The following TTLL8 variants were observed in gnomAD, a reference collection of about 807,000 sequenced individuals.
TTLL8 encodes the protein protein monoglycylase TTLL8.
In TTLL8, 65 loss-of-function variants were observed where a neutral mutation model predicts 77.8. That is an observed-to-expected ratio of 0.84 (90% CI 0.68 to 1.03). The LOEUF (loss-of-function observed/expected upper bound fraction) is 1.03, where lower values mean the gene tolerates loss of function less well. TTLL8 is among the 50% of genes least tolerant of loss of function. The pLI is 0.00. For synonymous variants in TTLL8, 402 were observed against 422.8 expected (o/e 0.95, Z 0.60); for missense variants, 910 against 1,004.5 (o/e 0.91, Z 1.27).
intron 12 of TTLL8, among the ~76,000 whole-genome samples, chr22:50,024,520 A>G (rs966814082): frequency 2.6e-5 from 4 of 152,198 alleles, no homozygotes; most frequent in African/African-American, 9.7e-5. Flanking sequence ...AAGAGAGTAT[A>G]TTTTTGACAA....
At chr22:50,051,850 A>C (rs1275702768) in intron 1 of TTLL8, among the ~76,000 whole-genome samples, 1 of 152,174 alleles carries the variant, frequency 6.6e-6, no homozygotes, top group Non-Finnish European at 1.5e-5. Flanking sequence ...CAAGGAATTG[A>C]AAAATAAGTT....
chr22:50,058,188 C>G (rs2061497294), upstream of TTLL8, among the ~76,000 whole-genome samples: 1 of 151,684 alleles, frequency 6.6e-6, no homozygotes, highest in Non-Finnish European at 1.5e-5. This position sits in a 1 kb window ranked among gnomAD's most constrained non-coding sequence, Gnocchi z 4.2. Context: ...CTGCGCCGCC[C>G]GGCTTCCTGG....
At chr22:50,030,844 G>A in exon 12 of TTLL8, 2 of 1,340,504 alleles carry the variant, frequency 1.5e-6, no homozygotes, top group South Asian at 1.2e-5. Flanking sequence ...CAGACGGGCA[G>A]CACCTGCCTC....
In TTLL8 at chr22:50,047,146, C is replaced by T. The variant is rs565887088; in HGVS notation, c.393+22G>A. On this transcript the variant is annotated intron_variant, in intron 4 of 13. Transcript: ENST00000266182. Reference sequence around the variant, plus strand: ...CCACCACCCTTGCCGGCTCCCGCCACGCTCAAGCGCGGCCGGCTCACCTTG... The same window carrying T: ...CCACCACCCTTGCCGGCTCCCGCCATGCTCAAGCGCGGCCGGCTCACCTTG... 166 of 1,366,708 alleles carry T rather than the reference C, an allele frequency of 1.2e-4. 1 individual carries two copies. In the South Asian group the frequency reaches 1.5e-3, roughly 13 times the overall value. 84.7% of individuals were successfully genotyped at this position (1,366,708 alleles called of 1,614,324 possible).
At chr22:50,040,658 G>A (rs145210521) in intron 8 of TTLL8, among the ~76,000 whole-genome samples, 34 of 152,272 alleles carry the variant, frequency 2.2e-4, no homozygotes, top group African/African-American at 7.2e-4. Flanking sequence ...GCCCTTAACC[G>A]TATTTATGTA....
intron 8 of TTLL8, among the ~76,000 whole-genome samples, chr22:50,040,560 G>A (rs891252712): frequency 6.6e-6 from 1 of 152,230 alleles, no homozygotes; most frequent in African/African-American, 2.4e-5. Flanking sequence ...GACTGGAAAC[G>A]TTTTGTGTCT....
Position 50,045,728 on chromosome 22 carries a change from C to T in TTLL8, c.508+128G>A, listed in dbSNP as rs1039977054. On this transcript the variant is annotated intron_variant, in intron 5 of 13. Transcript: ENST00000266182. Reference sequence around the variant, plus strand: ...GCCTCTGTACTGCCATGACCATGACCATGGGAGGCCTCTCCCCGGTCCTCT... The same window carrying T: ...GCCTCTGTACTGCCATGACCATGACTATGGGAGGCCTCTCCCCGGTCCTCT... 3 of 1,215,508 alleles carry T rather than the reference C, an allele frequency of 2.5e-6. No homozygotes were observed. The African/African-American group carries it at 4.7e-5, about 19-fold the overall frequency. 75.3% of individuals were successfully genotyped at this position (1,215,508 alleles called of 1,614,324 possible).
intron 10 of TTLL8, among the ~76,000 whole-genome samples, chr22:50,032,316 G>A (rs1378698740): frequency 1.3e-5 from 2 of 152,214 alleles, no homozygotes; most frequent in African/African-American, 2.4e-5. Flanking sequence ...CATGGGATTG[G>A]CCAGGCGCAC....
chr22:50,039,352 G>A (rs1420715726), intron 8 of TTLL8, among the ~76,000 whole-genome samples: 1 of 152,114 alleles, frequency 6.6e-6, no homozygotes, highest in Non-Finnish European at 1.5e-5. Flanking sequence ...GCTCATGCCT[G>A]TAATCCCAGC....
chr22:50,024,954 C>G (rs908649050), intron 12 of TTLL8, among the ~76,000 whole-genome samples: 5 of 152,178 alleles, frequency 3.3e-5, no homozygotes, highest in African/African-American at 1.2e-4. Context: ...AGGTTATGTT[C>G]TGAGTGTTTT....
intron 12 of TTLL8, among the ~76,000 whole-genome samples, chr22:50,027,941 G>A (rs1209342298): frequency 2.0e-5 from 3 of 152,242 alleles, no homozygotes; most frequent in East Asian, 3.8e-4. Context: ...GCAGGAACCT[G>A]ACTCACGCAC....
rs946858666 is a variant in TTLL8, at chr22:50,034,205, C to T, written c.1039+140G>A. 6.4e-6 allele frequency: 7 copies of T among 1,099,396 alleles called. No homozygotes were observed. In the African/African-American group the frequency reaches 8.2e-5, roughly 13 times the overall value. 68.1% of individuals were successfully genotyped at this position (1,099,396 alleles called of 1,614,324 possible). Reference sequence around the variant, plus strand: ...CTCTGCTCCAGCGCCTGAGTCCTGACCCCCACGCCTGCCTCGGCGTTCTGC... The same window carrying T: ...CTCTGCTCCAGCGCCTGAGTCCTGATCCCCACGCCTGCCTCGGCGTTCTGC... On this transcript the variant is annotated intron_variant, in intron 9 of 13. Transcript: ENST00000266182. This position sits in a 1 kb window ranked among gnomAD's most constrained non-coding sequence, Gnocchi z 4.1.
chr22:50,021,751 G>A (rs1337176633), intron 12 of TTLL8, among the ~76,000 whole-genome samples: 10 of 131,392 alleles, frequency 7.6e-5, no homozygotes, highest in Admixed American at 5.3e-4. Context: ...TCCATCTGAT[G>A]TGCACTCCTC....
intron 10 of TTLL8, 89 bp from the exon 12 acceptor site, chr22:50,032,198 C>T (rs1430293970): frequency 7.2e-6 from 9 of 1,257,920 alleles, no homozygotes; most frequent in Non-Finnish European, 9.3e-6. Flanking sequence ...TGAGCCCACC[C>T]AGCTGGCTCT....
intron 6 of TTLL8, among the ~76,000 whole-genome samples, chr22:50,042,138 C>G (rs2061375413): frequency 1.3e-5 from 2 of 152,254 alleles, no homozygotes; most frequent in South Asian, 4.2e-4. Context: ...GTAGCAATTA[C>G]TGATAAGTTC....
At chr22:50,029,363 C>CCCCATCACACCGTCCTAAAGA (rs2061265660) in intron 12 of TTLL8, among the ~76,000 whole-genome samples, 1 of 76,310 alleles carries the variant, frequency 1.3e-5, no homozygotes, top group African/African-American at 5.8e-5. Flanking sequence ...GTCCTAAAGA[C>CCCCATCACACCGTCCTAAAGA]CCCCACACAC....
At chr22:50,031,827 C>A in exon 11 of TTLL8, 1 of 1,367,170 alleles carries the variant, frequency 7.3e-7, no homozygotes, top group South Asian at 1.1e-5. Flanking sequence ...TGATCTCGAT[C>A]AGCCAGGGCC....
intron 12 of TTLL8, among the ~76,000 whole-genome samples, chr22:50,022,226 G>A (rs953854171): frequency 6.9e-6 from 1 of 145,750 alleles, no homozygotes; most frequent in Non-Finnish European, 1.5e-5. Flanking sequence ...CATCTGACAT[G>A]CACTCCTCCT....
At chr22:50,033,975 G>A (rs1238635846) in intron 9 of TTLL8, among the ~76,000 whole-genome samples, 1 of 152,250 alleles carries the variant, frequency 6.6e-6, no homozygotes, top group East Asian at 1.9e-4. Flanking sequence ...GGAGGTTGCA[G>A]TGAGGCAAGA....
Sources: allele counts gnomAD v4.1 joint callset (sites outside exome capture counted in the v4.1 genomes callset), GRCh38; gene constraint gnomAD v4.1.1; non-coding constraint Gnocchi (gnomAD v3.1); transcripts MANE v1.5; gene names NCBI Gene and HGNC (gene_info 2026-07-23, HGNC 2026-07-21).